The following DLGAP2 variants were observed in gnomAD, a reference collection of about 807,000 sequenced individuals.
DLGAP2 encodes the protein DLG associated protein 2.
DLGAP2 carries 26 observed loss-of-function variants against 100.3 expected under a neutral mutation model. That is an observed-to-expected ratio of 0.26 (90% CI 0.19 to 0.36). The LOEUF is 0.36. Ranked by LOEUF, DLGAP2 falls within the 10% of genes least tolerant of loss-of-function variation. The probability of loss-of-function intolerance (pLI) is 1.00; values close to 1 mark genes in which losing one functional copy is unlikely to be tolerated. For missense variants in DLGAP2, 1,858 were observed against 1,453.2 expected, an observed-to-expected ratio of 1.28 and a Z score of -4.53; for synonymous variants, 886 against 630.1, an observed-to-expected ratio of 1.41 and a Z score of -6.08.
intron 2 of DLGAP2, among the ~76,000 whole-genome samples, chr8:1,128,153 T>G (rs1303259335): frequency 2.0e-5 from 3 of 151,886 alleles, no homozygotes; most frequent in African/African-American, 7.3e-5. Flanking sequence ...GGTGAGGACC[T>G]GCTCCCGGTG....
At position 1,261,384 on chromosome 8, in the gene DLGAP2, T is replaced by TATTTAAAGC. The variant is rs1799346347; in HGVS notation, c.106+2501_106+2502insATTTAAAGC. ...CAGGTCAGCTTCCAGATCTTTAAAA[T>TATTTAAAGC]GAGACAGACTGGGAGGGCAGGTCAG... On this transcript the variant is annotated intron_variant, in intron 3 of 14. Coordinates refer to ENST00000637795, the MANE Select transcript of DLGAP2 (RefSeq NM_001346810.2). Among the ~76,000 whole-genome samples the TATTTAAAGC allele has an allele frequency of 4.0e-5, 3 of 75,032 alleles. No individual in the cohort carries two copies. In the East Asian group the frequency reaches 1.4e-3, roughly 34 times the overall value. The allele number at this position is 75,032 out of a possible 152,430, so 49.2% of individuals were successfully genotyped here.
At chr8:1,086,742 G>C (rs1585045917) in intron 2 of DLGAP2, among the ~76,000 whole-genome samples, 1 of 152,146 alleles carries the variant, frequency 6.6e-6, no homozygotes, top group African/African-American at 2.4e-5. Flanking sequence ...CAACAATGGA[G>C]CACCTAAATA....
chr8:1,451,600 A>G (rs1798161138), intron 3 of DLGAP2, among the ~76,000 whole-genome samples: 3 of 151,798 alleles, frequency 2.0e-5, no homozygotes, highest in Non-Finnish European at 2.9e-5. Flanking sequence ...CCTCCATCAC[A>G]TGTCCCCTCC....
At chr8:1,618,242 G>A (rs1175377921) in intron 6 of DLGAP2, among the ~76,000 whole-genome samples, 4 of 152,120 alleles carry the variant, frequency 2.6e-5, no homozygotes, top group African/African-American at 4.8e-5. Context: ...TCAAATCCTG[G>A]AACAGATCAT....
intron 6 of DLGAP2, among the ~76,000 whole-genome samples, chr8:1,570,876 G>C (rs1189466136): frequency 2.7e-5 from 4 of 147,940 alleles, no homozygotes; most frequent in African/African-American, 7.5e-5. Context: ...AGATGGAGAA[G>C]AGAGAGGGGT....
At chr8:1,137,327 C>G (rs1796437939) in intron 2 of DLGAP2, 1 of 152,652 alleles carries the variant, frequency 6.6e-6, no homozygotes, top group South Asian at 2.1e-4. Flanking sequence ...TCCTATTGGA[C>G]TGGTGCACCA....
At chr8:1,429,094 T>C (rs1797330036) in intron 3 of DLGAP2, among the ~76,000 whole-genome samples, 1 of 152,196 alleles carries the variant, frequency 6.6e-6, no homozygotes, top group South Asian at 2.1e-4. Flanking sequence ...GACAGAAAAT[T>C]TCATAAGTTG....
chr8:1,176,001 G>A (rs1364131226), intron 2 of DLGAP2, among the ~76,000 whole-genome samples: 4 of 152,138 alleles, frequency 2.6e-5, no homozygotes, highest in Non-Finnish European at 5.9e-5. Context: ...CCATCCGCCC[G>A]ATAAATATTG....
intron 2 of DLGAP2, among the ~76,000 whole-genome samples, chr8:1,227,174 A>ATATATATATAT (rs1563265041): frequency 2.3e-4 from 15 of 65,152 alleles, no homozygotes; most frequent in Admixed American, 3.0e-4. Context: ...ATATATATAT[A>ATATATATATAT]GTATAGATAT....
intron 6 of DLGAP2, among the ~76,000 whole-genome samples, chr8:1,624,261 T>G (rs1192304569): frequency 6.6e-6 from 1 of 152,190 alleles, no homozygotes. Context: ...ATGGAGGGTA[T>G]GAAACCAGCA....
intron 3 of DLGAP2, among the ~76,000 whole-genome samples, chr8:1,330,611 G>C (rs571078257): frequency 4.2e-5 from 6 of 142,290 alleles, no homozygotes; most frequent in Non-Finnish European, 1.6e-5. Flanking sequence ...CCGAGTTCTG[G>C]GTGGGAGCAC....
rs560208979 is a variant in DLGAP2 at position 1,455,798 on chromosome 8, G to A, written c.107-45568G>A. ...ATGCCACTGAGTGAGTGTGCGGAAG[G>A]CACCACCTCCTCCCATCAGCAAGGC... On this transcript the variant is annotated intron_variant, in intron 3 of 14. Coordinates refer to ENST00000637795, the MANE Select transcript of DLGAP2 (RefSeq NM_001346810.2). Among the ~76,000 whole-genome samples, 447 of 152,298 alleles carry A rather than the reference G, an allele frequency of 2.9e-3. 4 individuals carry two copies. The highest frequency in any genetic ancestry group is 3.5e-3 in the Admixed American group (54 of 15,300).
chr8:825,674 G>T (rs969875424), intron 1 of DLGAP2, among the ~76,000 whole-genome samples: 27 of 151,926 alleles, frequency 1.8e-4, no homozygotes, highest in South Asian at 1.5e-3. Context: ...CCAGATTTTG[G>T]TCTCATTGAT....
At chr8:753,938 G>A (rs1325881862) in intron 1 of DLGAP2, 2 of 152,208 alleles carry the variant, frequency 1.3e-5, no homozygotes, top group Admixed American at 6.5e-5. Flanking sequence ...GCCCCACCAC[G>A]GGCCGACCCT....
intron 2 of DLGAP2, among the ~76,000 whole-genome samples, chr8:1,049,919 C>G (rs1194673320): frequency 1.3e-5 from 2 of 152,230 alleles, no homozygotes; most frequent in African/African-American, 4.8e-5. Flanking sequence ...CAGGCAGACA[C>G]ATGCATATGT....
At chr8:985,524 T>C (rs1198098955) in intron 2 of DLGAP2, among the ~76,000 whole-genome samples, 1 of 152,250 alleles carries the variant, frequency 6.6e-6, no homozygotes, top group South Asian at 2.1e-4. Flanking sequence ...TTAGCAAGTA[T>C]ATGTGATTAA....
intron 2 of DLGAP2, among the ~76,000 whole-genome samples, chr8:1,161,003 C>G (rs893869047): frequency 2.0e-5 from 3 of 152,218 alleles, no homozygotes; most frequent in African/African-American, 4.8e-5. Context: ...TAATTGGATA[C>G]TATTCTAATG....
chr8:738,273 G>A (rs923635242), intron 1 of DLGAP2, among the ~76,000 whole-genome samples: 2 of 151,698 alleles, frequency 1.3e-5, no homozygotes, highest in Non-Finnish European at 1.5e-5. Context: ...CCAAGCCCGG[G>A]TGGAAACGCC....
At chr8:1,201,366 G>C (rs754778306) in intron 2 of DLGAP2, among the ~76,000 whole-genome samples, 9 of 152,168 alleles carry the variant, frequency 5.9e-5, no homozygotes, top group Non-Finnish European at 1.2e-4. Context: ...CGTGGGGCAG[G>C]GGGCTCCCCC....
Sources: gnomAD v4.1 joint callset for allele counts (sites outside exome capture counted in the v4.1 genomes callset) on GRCh38, gnomAD v4.1.1 for gene constraint, MANE v1.5 for transcripts, NCBI Gene and HGNC (gene_info 2026-07-23, HGNC 2026-07-21) for gene names.